ESRRG: variants seen among roughly 807,000 people sequenced by gnomAD.
ESRRG encodes the protein estrogen related receptor gamma, also known as estrogen-related receptor gamma.
A neutral mutation model predicts 44.0 loss-of-function variants in ESRRG; 13 were observed. The ratio of observed to expected loss-of-function variants is 0.30; its 90% confidence interval spans 0.19 to 0.47. The LOEUF (loss-of-function observed/expected upper bound fraction) is 0.47. Ranked by LOEUF, ESRRG falls within the 20% of genes least tolerant of loss-of-function variation. ESRRG has a pLI of 1.00. For synonymous variants in ESRRG, 215 were observed against 214.6 expected, an observed-to-expected ratio of 1.00 and a Z score of -0.02; for missense variants, 395 against 580.6, an observed-to-expected ratio of 0.68 and a Z score of 3.29.
At chr1:216,789,738 T>C (rs994666384) in intron 2 of ESRRG, among the ~76,000 whole-genome samples, 3 of 152,160 alleles carry the variant, frequency 2.0e-5, no homozygotes, top group African/African-American at 7.2e-5. Context: ...AACTTTTAGA[T>C]GCAGTATTCT....
At chr1:216,831,860 C>T (rs1436897) in intron 2 of ESRRG, among the ~76,000 whole-genome samples, 91,539 of 151,930 alleles carry the variant, frequency 0.6, 27,992 homozygotes, top group Non-Finnish European at 0.65. Flanking sequence ...TTGCAAGTCA[C>T]TGGGCACTTA....
chr1:216,730,508 T>C (rs1366542375), intron 2 of ESRRG, among the ~76,000 whole-genome samples: 1 of 152,104 alleles, frequency 6.6e-6, no homozygotes, highest in Non-Finnish European at 1.5e-5. Context: ...CTCTAAACTC[T>C]ATCTGACTGT....
intron 2 of ESRRG, among the ~76,000 whole-genome samples, chr1:216,860,707 C>A (rs7532370): frequency 6.6e-6 from 1 of 151,914 alleles, no homozygotes; most frequent in African/African-American, 2.4e-5. Flanking sequence ...AATGATTCAT[C>A]GCAAGCAAAA....
At chr1:217,035,015 G>C (rs2082633662) in intron 1 of ESRRG, among the ~76,000 whole-genome samples, 1 of 152,144 alleles carries the variant, frequency 6.6e-6, no homozygotes, top group Non-Finnish European at 1.5e-5. Flanking sequence ...AATCCCCCTT[G>C]CTGATGGAGA....
intron 2 of ESRRG, among the ~76,000 whole-genome samples, chr1:216,867,207 C>A (rs11572550): frequency 0.016 from 2,404 of 152,238 alleles, 77 homozygotes; most frequent in African/African-American, 0.056. Context: ...ACTTGTCCAA[C>A]ATCTTGTAGA....
At chr1:216,888,991 CATCCCA>C (rs1483141335) in intron 2 of ESRRG, among the ~76,000 whole-genome samples, 1 of 152,158 alleles carries the variant, frequency 6.6e-6, no homozygotes, top group Non-Finnish European at 1.5e-5. Context: ...CTCATCCTTG[CATCCCA>C]ATCCTCAGAA....
intron 3 of ESRRG, among the ~76,000 whole-genome samples, chr1:216,596,605 C>T (rs763231459): frequency 5.3e-5 from 8 of 152,174 alleles, no homozygotes; most frequent in Non-Finnish European, 1.5e-5. Context: ...TAAACATTTG[C>T]ATTCACTTTG....
At chr1:216,780,788 A>T (rs2093904835) in intron 2 of ESRRG, among the ~76,000 whole-genome samples, 1 of 152,056 alleles carries the variant, frequency 6.6e-6, no homozygotes, top group Non-Finnish European at 1.5e-5. Context: ...AACAGAACCA[A>T]GTTCCCAGAC....
In ESRRG at chr1:216,506,677, T is replaced by A. The variant is rs1224846806; in HGVS notation, c.*262A>T. On this transcript the variant is annotated 3_prime_UTR_variant, in exon 7 of 7. Transcript: ENST00000408911. Reference sequence around the variant, plus strand: ...GAAAGAAGCAAAGAAATAAGGGAGGTGAAAGAAGAAAAGGAGAAAAAATAA... The same window carrying A: ...GAAAGAAGCAAAGAAATAAGGGAGGAGAAAGAAGAAAAGGAGAAAAAATAA... 166 of 497,484 alleles carry A rather than the reference T, an allele frequency of 3.3e-4. No homozygotes were observed. The highest frequency in any genetic ancestry group is 5.2e-4 in the South Asian group (27 of 52,106). 30.8% of individuals were successfully genotyped at this position (497,484 alleles called of 1,614,324 possible). A position where few individuals can be genotyped will look rare whatever the true frequency, so the allele number is the denominator to read the frequency against.
chr1:216,841,334 A>G (rs1009126568), intron 2 of ESRRG, among the ~76,000 whole-genome samples: 1 of 152,138 alleles, frequency 6.6e-6, no homozygotes, highest in African/African-American at 2.4e-5. Context: ...CTCTTAGAGC[A>G]CAGAAGCAGA....
intron 5 of ESRRG, among the ~76,000 whole-genome samples, chr1:216,532,972 C>A (rs545471590): frequency 2.5e-4 from 38 of 152,128 alleles, no homozygotes; most frequent in African/African-American, 8.9e-4. Flanking sequence ...CTATTTCTTA[C>A]CGAGTACATG....
At chr1:216,582,503 G>A (rs549997407) in intron 3 of ESRRG, among the ~76,000 whole-genome samples, 11 of 152,120 alleles carry the variant, frequency 7.2e-5, no homozygotes, top group South Asian at 2.1e-4. Context: ...ATGCAGTGGC[G>A]TGATCTCAGC....
At chr1:216,609,291 T>G (rs2060316496) in intron 3 of ESRRG, among the ~76,000 whole-genome samples, 1 of 152,200 alleles carries the variant, frequency 6.6e-6, no homozygotes, top group Non-Finnish European at 1.5e-5. Flanking sequence ...TTGTTTATGA[T>G]TATAACTTGA....
intron 1 of ESRRG, among the ~76,000 whole-genome samples, chr1:217,050,664 C>T (rs942089917): frequency 6.6e-5 from 10 of 152,180 alleles, no homozygotes; most frequent in African/African-American, 2.4e-4. Context: ...TCGGGCCATC[C>T]TCTACCCAAA....
intron 1 of ESRRG, among the ~76,000 whole-genome samples, chr1:217,135,813 G>A (rs367802722): frequency 5.3e-5 from 8 of 152,206 alleles, no homozygotes; most frequent in Admixed American, 2.6e-4. Flanking sequence ...ACTCGGAAGC[G>A]GGCGCGGGGA....
intron 2 of ESRRG, among the ~76,000 whole-genome samples, chr1:216,750,857 A>C (rs1029895142): frequency 2.0e-5 from 3 of 152,164 alleles, no homozygotes; most frequent in African/African-American, 7.2e-5. Context: ...CTTTCAGTAA[A>C]GAAGAAAAGG....
At chr1:217,129,050 A>C (rs540332473) in intron 1 of ESRRG, among the ~76,000 whole-genome samples, 16 of 152,298 alleles carry the variant, frequency 1.1e-4, no homozygotes, top group Admixed American at 7.2e-4. Flanking sequence ...TGTTAAAAAA[A>C]CCCACAGAAT....
chr1:216,798,215 G>A (rs942503294), intron 2 of ESRRG, among the ~76,000 whole-genome samples: 1 of 151,784 alleles, frequency 6.6e-6, no homozygotes, highest in Non-Finnish European at 1.5e-5. Context: ...CATTGTATTA[G>A]CTTTAGAAAC....
intron 1 of ESRRG, among the ~76,000 whole-genome samples, chr1:217,135,886 G>A (rs1366444233): frequency 3.3e-5 from 5 of 152,206 alleles, no homozygotes; most frequent in African/African-American, 1.2e-4. Flanking sequence ...TAACAAATAA[G>A]AGGAGCAGGC....
Sources: allele counts gnomAD v4.1 joint callset (sites outside exome capture counted in the v4.1 genomes callset), GRCh38; gene constraint gnomAD v4.1.1; transcripts MANE v1.5; gene names NCBI Gene and HGNC (gene_info 2026-07-23, HGNC 2026-07-21).